The following LINC00632 variants were observed in gnomAD, a reference collection of about 807,000 sequenced individuals.
LINC00632 encodes ALDOA related specific transcript.
At chrX:140,718,051 G>A (rs767903247) in intron 2 of LINC00632, among the ~76,000 whole-genome samples, 8 of 110,658 alleles carry the variant, frequency 7.2e-5, no homozygotes, top group East Asian at 2.9e-4. Flanking sequence ...CAGGAGAATC[G>A]CTTGAACCTG....
At chrX:140,785,186 T>A (rs764778845) in exon 5 of LINC00632, among the ~76,000 whole-genome samples, 10 of 101,951 alleles carry the variant, frequency 9.8e-5, no homozygotes, top group Admixed American at 9.0e-4. Context: ...AATAATAATA[T>A]AATAATAATA....
intron 3 of LINC00632, among the ~76,000 whole-genome samples, chrX:140,737,973 T>C (rs1274974886): frequency 8.9e-6 from 1 of 112,134 alleles, no homozygotes; most frequent in East Asian, 2.8e-4. Flanking sequence ...TTCTATTCCT[T>C]TAGGTAAATA....
chrX:140,730,094 C>G (rs1200634264), intron 2 of LINC00632, among the ~76,000 whole-genome samples: 1 of 110,529 alleles, frequency 9.0e-6, no homozygotes, highest in Non-Finnish European at 1.9e-5. Flanking sequence ...CCAAGATGGT[C>G]TCCATCTCTT....
exon 4 of LINC00632, among the ~76,000 whole-genome samples, chrX:140,773,763 C>T (rs1931839036): frequency 8.9e-6 from 1 of 111,783 alleles, no homozygotes; most frequent in Non-Finnish European, 1.9e-5. Flanking sequence ...TCTCCATTAC[C>T]CCCAGTACGA....
intron 2 of LINC00632, among the ~76,000 whole-genome samples, chrX:140,730,995 G>A (rs778720786): frequency 5.1e-4 from 56 of 109,664 alleles, no homozygotes; most frequent in African/African-American, 1.4e-3. Flanking sequence ...TCCATCTCCC[G>A]GGTTCAAGCA....
chrX:140,726,149 C>T (rs891710963), intron 2 of LINC00632, among the ~76,000 whole-genome samples: 2 of 110,957 alleles, frequency 1.8e-5, no homozygotes, highest in East Asian at 2.8e-4. Context: ...TCCATAGCAC[C>T]CAGACTCGCT....
At chrX:140,784,186 T>TGTCTTCCAGCAAATCCAC (rs1931981360) in exon 5 of LINC00632, 1 of 1,209,503 alleles carries the variant, frequency 8.3e-7, no homozygotes, top group Non-Finnish European at 1.1e-6. Context: ...AGGAAATCCG[T>TGTCTTCCAGCAAATCCAC]GTCTTCCAGC....
chrX:140,747,032 A>G (rs1261489767), intron 3 of LINC00632, among the ~76,000 whole-genome samples: 1 of 112,212 alleles, frequency 8.9e-6, no homozygotes, highest in Non-Finnish European at 1.9e-5. Flanking sequence ...CATCTTAACA[A>G]GGAAAGGTAA....
chrX:140,778,632 AAAAG>A (rs1279480067), exon 5 of LINC00632, among the ~76,000 whole-genome samples: 57 of 110,060 alleles, frequency 5.2e-4, no homozygotes, highest in African/African-American at 1.7e-3. Context: ...AAAAAAAAAA[AAAAG>A]AACTGTTTTG....
chrX:140,764,350 TGGGGCG>T (rs1271121568), intron 3 of LINC00632, among the ~76,000 whole-genome samples: 2 of 3,761 alleles, frequency 5.3e-4, no homozygotes, highest in South Asian at 9.5e-3. Context: ...AGAGACGGAG[TGGGGCG>T]GGGGCGGGGG....
exon 4 of LINC00632, among the ~76,000 whole-genome samples, chrX:140,774,090 ATTGAG>A (rs1238508541): frequency 1.8e-5 from 2 of 112,365 alleles, no homozygotes; most frequent in Non-Finnish European, 3.7e-5. Flanking sequence ...CCTTGAAGAC[ATTGAG>A]TTAAGTGACA....
Position 140,783,102 on chromosome X carries a change from T to C in LINC00632, n.11121T>C, listed in dbSNP as rs1159740650. The stretch of plus-strand genomic sequence containing the variant: ...CCTCCAGAAATATCAATGTCCAGAG[T>C]AACCAATGTCTTCAAAATCCAAGGC... On this transcript the variant is annotated non_coding_transcript_exon_variant, in exon 5 of 5. Coordinates refer to ENST00000648200, the Ensembl canonical transcript of LINC00632. 3 of 120,431 alleles carry C rather than the reference T, an allele frequency of 2.5e-5. No individual in the cohort carries two copies. The East Asian group carries it at 8.0e-4, about 32-fold the overall frequency. 9.9% of individuals were successfully genotyped at this position (120,431 alleles called of 1,213,427 possible).
intron 3 of LINC00632, among the ~76,000 whole-genome samples, chrX:140,742,645 G>C (rs1438295719): frequency 9.0e-6 from 1 of 110,543 alleles, no homozygotes; most frequent in African/African-American, 3.3e-5. Context: ...CCTAAAGAGA[G>C]AGTATGCATT....
chrX:140,762,196 T>A (rs1416702371), intron 3 of LINC00632, among the ~76,000 whole-genome samples: 1 of 71,758 alleles, frequency 1.4e-5, no homozygotes, highest in Non-Finnish European at 2.7e-5. Context: ...AGCGACCTCG[T>A]CAGTTTTTCG....
intron 3 of LINC00632, among the ~76,000 whole-genome samples, chrX:140,745,406 A>C (rs771096685): frequency 9.0e-6 from 1 of 110,507 alleles, no homozygotes; most frequent in Non-Finnish European, 1.9e-5. Context: ...GTTTTTCTCA[A>C]TCCTCATTTG....
intron 3 of LINC00632, among the ~76,000 whole-genome samples, chrX:140,745,903 C>T (rs1293078088): frequency 8.9e-6 from 1 of 111,966 alleles, no homozygotes; most frequent in African/African-American, 3.2e-5. Flanking sequence ...GTCATATACA[C>T]TGCTCACAAC....
At chrX:140,768,111 T>G (rs746650871) in intron 3 of LINC00632, among the ~76,000 whole-genome samples, 1 of 111,416 alleles carries the variant, frequency 9.0e-6, no homozygotes, top group Non-Finnish European at 1.9e-5. Context: ...CTTAGTTTAG[T>G]GTAAAAAACA....
intron 3 of LINC00632, among the ~76,000 whole-genome samples, chrX:140,738,838 C>T (rs1472132337): frequency 3.6e-5 from 4 of 111,845 alleles, no homozygotes; most frequent in Non-Finnish European, 7.5e-5. Context: ...TTGTGAAGCT[C>T]ACATTGTATA....
chrX:140,755,558 C>G (rs957103510), intron 3 of LINC00632, among the ~76,000 whole-genome samples: 1 of 112,072 alleles, frequency 8.9e-6, no homozygotes, highest in African/African-American at 3.2e-5. Context: ...CCACACTTTG[C>G]ACGGTGATGC....
Sources: gnomAD v4.1 joint callset for allele counts (sites outside exome capture counted in the v4.1 genomes callset) on GRCh38, gnomAD v4.1.1 for gene constraint, MANE v1.5 for transcripts, NCBI Gene and HGNC (gene_info 2026-07-23, HGNC 2026-07-21) for gene names.